Variants in TANC2 observed in about 807,000 individuals in gnomAD.
TANC2 encodes tetratricopeptide repeat, ankyrin repeat and coiled-coil containing 2.
Under a neutral mutation model 210.5 loss-of-function variants are expected in TANC2, and 26 were observed. That is an observed-to-expected ratio of 0.12 (90% CI 0.09 to 0.17). TANC2 has a LOEUF of 0.17. TANC2 is among the 10% of genes least tolerant of loss of function. The pLI, the probability that TANC2 is intolerant of heterozygous loss-of-function variation, is 1.00. For missense variants in TANC2, 2,129 were observed against 2,608.9 expected (o/e 0.82, Z 4.01); for synonymous variants, 931 against 967.1 (o/e 0.96, Z 0.69).
At chr17:63,087,454 C>A (rs778624814) in intron 3 of TANC2, among the ~76,000 whole-genome samples, 1 of 151,734 alleles carries the variant, frequency 6.6e-6, no homozygotes, top group Non-Finnish European at 1.5e-5. Flanking sequence ...TTTTTTCTCC[C>A]TTCTCATAGT....
chr17:63,273,362 TA>T (rs2043775210), intron 9 of TANC2, among the ~76,000 whole-genome samples: 1 of 152,140 alleles, frequency 6.6e-6, no homozygotes, highest in Non-Finnish European at 1.5e-5. Flanking sequence ...AAATTAAAAA[TA>T]ATATGTTAAA....
intron 12 of TANC2, among the ~76,000 whole-genome samples, chr17:63,344,236 T>G (rs1005868779): frequency 2.0e-5 from 3 of 152,192 alleles, no homozygotes; most frequent in Admixed American, 6.5e-5. Context: ...TGGAACAGTT[T>G]CATCCCTAAA....
chr17:63,422,165 C>T, exon 28 of TANC2: 3 of 554,306 alleles, frequency 5.4e-6, no homozygotes, highest in Non-Finnish European at 9.4e-6. Flanking sequence ...TGTCTGTGCC[C>T]AGCCACATGC....
chr17:63,156,787 T>C (rs759486429), intron 5 of TANC2, among the ~76,000 whole-genome samples: 1 of 152,204 alleles, frequency 6.6e-6, no homozygotes, highest in South Asian at 2.1e-4. Flanking sequence ...CACCAACTCC[T>C]GGGCTCAAGC....
intron 7 of TANC2, 82 bp downstream of exon 7, chr17:63,201,039 T>C: frequency 2.3e-6 from 3 of 1,324,188 alleles, no homozygotes; most frequent in Non-Finnish European, 3.1e-6. Flanking sequence ...TTTTTAAAAA[T>C]TCTGCTTTTG....
intron 5 of TANC2, chr17:63,153,703 A>G (rs2039738618): frequency 6.6e-6 from 1 of 152,172 alleles, no homozygotes; most frequent in Admixed American, 6.6e-5. Flanking sequence ...AACAATGCTG[A>G]AAGTCTTTGG....
chr17:63,178,285 A>G (rs1368661221), intron 5 of TANC2, among the ~76,000 whole-genome samples: 1 of 152,128 alleles, frequency 6.6e-6, no homozygotes, highest in Non-Finnish European at 1.5e-5. Flanking sequence ...GTGAGCCGAG[A>G]TCGCGCCACT....
At chr17:63,287,763 T>C (rs2044271229) in intron 9 of TANC2, among the ~76,000 whole-genome samples, 1 of 151,722 alleles carries the variant, frequency 6.6e-6, no homozygotes, top group Non-Finnish European at 1.5e-5. Context: ...GCAGTCTCCA[T>C]CTCCTAGTCT....
intron 9 of TANC2, among the ~76,000 whole-genome samples, chr17:63,311,349 A>C (rs191333488): frequency 3.3e-5 from 5 of 152,328 alleles, no homozygotes; most frequent in Admixed American, 1.3e-4. Flanking sequence ...TTCACATTAC[A>C]TTGCTAGGTG....
At chr17:63,226,815 A>G (rs1413422366) in intron 7 of TANC2, among the ~76,000 whole-genome samples, 2 of 151,874 alleles carry the variant, frequency 1.3e-5, no homozygotes, top group Non-Finnish European at 2.9e-5. Context: ...ATATGTTCTC[A>G]TTGTTCCACT....
At chr17:63,234,782 A>T (rs749080398) in intron 7 of TANC2, among the ~76,000 whole-genome samples, 15 of 152,312 alleles carry the variant, frequency 9.8e-5, no homozygotes, top group Admixed American at 3.9e-4. Flanking sequence ...GATTCCAAGT[A>T]ATTAGTTGCC....
chr17:63,339,360 T>C (rs755091484), intron 11 of TANC2, among the ~76,000 whole-genome samples: 2 of 152,154 alleles, frequency 1.3e-5, no homozygotes, highest in Non-Finnish European at 2.9e-5. Context: ...AGACCTGGGG[T>C]GAGTGCTGTG....
intron 7 of TANC2, among the ~76,000 whole-genome samples, chr17:63,225,357 A>G (rs2042301410): frequency 6.6e-6 from 1 of 151,860 alleles, no homozygotes; most frequent in South Asian, 2.1e-4. Context: ...TGCTTTGCCT[A>G]ATTGTGTTTC....
chr17:63,141,936 T>C (rs1361068272), intron 4 of TANC2, among the ~76,000 whole-genome samples: 1 of 152,224 alleles, frequency 6.6e-6, no homozygotes, highest in Non-Finnish European at 1.5e-5. Flanking sequence ...TTTTACTTGA[T>C]AAACATTAAA....
chr17:63,039,975 C>T (rs9907865), intron 2 of TANC2, among the ~76,000 whole-genome samples: 2,098 of 152,168 alleles, frequency 0.014, 49 homozygotes, highest in African/African-American at 0.048. Flanking sequence ...AAAGTAAGCA[C>T]TTTTAGTTTT....
intron 1 of TANC2, among the ~76,000 whole-genome samples, chr17:62,994,443 G>A (rs2033015340): frequency 6.6e-6 from 1 of 151,878 alleles, no homozygotes; most frequent in Non-Finnish European, 1.5e-5. Flanking sequence ...AACTTAGGAG[G>A]AAAGTGTTCA....
chr17:63,418,500 A>G lies in TANC2; in HGVS notation c.4268+93A>G. Reference sequence around the variant, plus strand: ...GCCACCCTGGGGCATATGTACCCAAATACATCTCTGTCCTTGAGAACTGTC... The same window carrying G: ...GCCACCCTGGGGCATATGTACCCAAGTACATCTCTGTCCTTGAGAACTGTC... On this transcript the variant is annotated intron_variant, in intron 27 of 27. Transcript: ENST00000689528. This position sits in a 1 kb window ranked among gnomAD's most constrained non-coding sequence, Gnocchi z 4.6. 9.3e-7 allele frequency: 1 copy of G among 1,079,124 alleles called. No homozygotes were observed. Among genetic ancestry groups the G allele is most frequent in the Non-Finnish European group, 1.4e-6 (1 of 737,996 alleles). 66.8% of individuals were successfully genotyped at this position (1,079,124 alleles called of 1,614,324 possible).
intron 11 of TANC2, among the ~76,000 whole-genome samples, chr17:63,335,018 G>A (rs1486261658): frequency 2.0e-5 from 3 of 152,088 alleles, no homozygotes; most frequent in Non-Finnish European, 4.4e-5. Context: ...CACTCACTGT[G>A]GTGAGGACAG....
At chr17:63,355,075 C>T (rs776921699) in exon 14 of TANC2, 16 of 1,613,752 alleles carry the variant, frequency 9.9e-6, no homozygotes, top group Non-Finnish European at 1.4e-5. Context: ...GTTCCTGTTT[C>T]GCTCTCAGAG....
Sources: allele counts gnomAD v4.1 joint callset (sites outside exome capture counted in the v4.1 genomes callset), GRCh38; gene constraint gnomAD v4.1.1; non-coding constraint Gnocchi (gnomAD v3.1); transcripts MANE v1.5; gene names NCBI Gene and HGNC (gene_info 2026-07-23, HGNC 2026-07-21).